The following CHST3 variants were observed in gnomAD, a reference collection of about 807,000 sequenced individuals.
CHST3 encodes C6ST-1.
CHST3 carries 20 observed loss-of-function variants against 35.4 expected under a neutral mutation model. The ratio of observed to expected loss-of-function variants is 0.57; its 90% CI spans 0.40 to 0.82. The LOEUF is 0.82. Ranked by LOEUF, CHST3 falls within the 40% of genes least tolerant of loss-of-function variation. CHST3 has a pLI of 0.00. For missense variants in CHST3, 693 were observed against 670.1 expected (o/e 1.03, Z -0.38); for synonymous variants, 334 against 295.9 (o/e 1.13, Z -1.32).
chr10:72,006,749 T>TC lies in CHST3; in HGVS notation c.141-415dup, dbSNP rs147117420. 6.7e-3 allele frequency among the ~76,000 whole-genome samples: 1,013 copies of TC among 151,750 alleles called. 14 individuals carry two copies. The highest frequency in any genetic ancestry group is 0.023 in the African/African-American group (934 of 41,340). On this transcript the variant is annotated intron_variant, in intron 2 of 2. Transcript: ENST00000373115. ...TGGGCAATATAGTGGACACCGTCAA[T>TC]CCCCCCCCTTGGGTCACTGAGCAAG...
chr10:71,987,714 CAAAA>C (rs386371790), intron 1 of CHST3, among the ~76,000 whole-genome samples: 1 of 88,912 alleles, frequency 1.1e-5, no homozygotes, highest in African/African-American at 4.6e-5. Context: ...GAGACTGTCT[CAAAA>C]AAAAAAAAAA....
intron 1 of CHST3, among the ~76,000 whole-genome samples, chr10:71,989,263 A>T (rs1021646721): frequency 1.3e-5 from 2 of 152,114 alleles, no homozygotes; most frequent in Non-Finnish European, 2.9e-5. Flanking sequence ...GACAACAGGG[A>T]AAGACCCTGA....
intron 1 of CHST3, among the ~76,000 whole-genome samples, chr10:71,986,260 G>A (rs1288769406): frequency 2.0e-5 from 3 of 152,178 alleles, no homozygotes; most frequent in Admixed American, 6.5e-5. Flanking sequence ...CTCCATCTTT[G>A]CTGATTCTAG....
chr10:72,007,167 C>T lies in CHST3; in HGVS notation c.141-5C>T. 1.2e-6 allele frequency: 2 copies of T among 1,613,948 alleles called. No individual in the cohort carries two copies. The highest frequency in any genetic ancestry group is 1.7e-6 in the Non-Finnish European group (2 of 1,179,994). Reference sequence around the variant, plus strand: ...CACTGACCCTGATCTTCTTTGTCCTCACAGGGTCTCAGACAAGCTGAAGCA... The same window carrying T: ...CACTGACCCTGATCTTCTTTGTCCTTACAGGGTCTCAGACAAGCTGAAGCA... On this transcript the variant is annotated splice_polypyrimidine_tract_variant and splice_region_variant and intron_variant, in intron 2 of 2. Coordinates refer to ENST00000373115, the MANE Select transcript of CHST3 (RefSeq NM_004273.5).
At chr10:72,003,912 T>A (rs532168154) in intron 1 of CHST3, among the ~76,000 whole-genome samples, 17 of 151,818 alleles carry the variant, frequency 1.1e-4, no homozygotes, top group African/African-American at 4.1e-4. Context: ...ATAATAATAA[T>A]GACCTGTAAT....
chr10:72,007,107 T>C, intron 2 of CHST3, 65 bp from the exon 3 acceptor site: 1 of 1,573,436 alleles, frequency 6.4e-7, no homozygotes, highest in Non-Finnish European at 8.6e-7. Flanking sequence ...GGAGGACTGC[T>C]TAGGGTTGCC....
At chr10:71,973,369 A>G (rs1406009097) in intron 1 of CHST3, among the ~76,000 whole-genome samples, 1 of 152,108 alleles carries the variant, frequency 6.6e-6, no homozygotes, top group Non-Finnish European at 1.5e-5. Flanking sequence ...CTCTGGGCCC[A>G]CTGCTCAACC....
At chr10:71,999,764 C>T (rs893696525) in intron 1 of CHST3, among the ~76,000 whole-genome samples, 6 of 152,346 alleles carry the variant, frequency 3.9e-5, no homozygotes, top group African/African-American at 1.2e-4. Flanking sequence ...CTCTGGGAGG[C>T]ACCTTGCCAA....
At chr10:71,991,066 C>T (rs1839892787) in intron 1 of CHST3, among the ~76,000 whole-genome samples, 1 of 152,202 alleles carries the variant, frequency 6.6e-6, no homozygotes, top group South Asian at 2.1e-4. Context: ...AACATGTGGC[C>T]TCCACTGTTG....
At chr10:72,003,717 A>AAG (rs1554817249) in intron 1 of CHST3, among the ~76,000 whole-genome samples, 79 of 149,344 alleles carry the variant, frequency 5.3e-4, no homozygotes, top group African/African-American at 1.8e-3. Context: ...AAAAAAAAAA[A>AAG]GGGAATAGAC....
intron 1 of CHST3, among the ~76,000 whole-genome samples, chr10:72,003,165 G>T (rs1222137919): frequency 6.6e-6 from 1 of 152,130 alleles, no homozygotes; most frequent in African/African-American, 2.4e-5. Context: ...GCTTAGCATG[G>T]CACCTGGCAC....
chr10:71,971,684 G>A (rs4148917), intron 1 of CHST3, among the ~76,000 whole-genome samples: 37,410 of 152,136 alleles, frequency 0.25, 7,103 homozygotes, highest in African/African-American at 0.54. Context: ...GGCCACCCCC[G>A]TCCCCGCACT....
In CHST3 at chr10:71,990,825, A is replaced by G. The variant is rs990110930; in HGVS notation, c.-107-14911A>G. 3.9e-5 allele frequency among the ~76,000 whole-genome samples: 6 copies of G among 152,232 alleles called. No individual in the cohort carries two copies. In the East Asian group the frequency reaches 1.2e-3, roughly 29 times the overall value. ...CCCATAGCTAAGAGTATGCATATTT[A>G]AAACTTGTGATGGTTTGGCCAAATC... On this transcript the variant is annotated intron_variant, in intron 1 of 2. Coordinates refer to ENST00000373115, the MANE Select transcript of CHST3 (RefSeq NM_004273.5).
chr10:71,995,881 T>C (rs1839934085), intron 1 of CHST3, among the ~76,000 whole-genome samples: 1 of 152,082 alleles, frequency 6.6e-6, no homozygotes, highest in South Asian at 2.1e-4. Flanking sequence ...ATTACCAAAA[T>C]GTGACACAGA....
chr10:72,001,070 A>G (rs1050190540), intron 1 of CHST3, among the ~76,000 whole-genome samples: 2 of 152,152 alleles, frequency 1.3e-5, no homozygotes, highest in African/African-American at 4.8e-5. Flanking sequence ...AATGTGAGAC[A>G]GAGGGAGGAC....
intron 1 of CHST3, among the ~76,000 whole-genome samples, chr10:71,970,612 G>C (rs1839684317): frequency 6.6e-6 from 1 of 152,168 alleles, no homozygotes. Flanking sequence ...CATGTATATG[G>C]GAGAGAAGAC....
intron 1 of CHST3, among the ~76,000 whole-genome samples, chr10:71,995,898 C>CA (rs1839934264): frequency 6.6e-6 from 1 of 152,124 alleles, no homozygotes; most frequent in Non-Finnish European, 1.5e-5. Context: ...CAGAGACACA[C>CA]AGAGAGCTCA....
Position 72,010,771 on chromosome 10 carries a change from T to TC in CHST3, c.*2304dup, listed in dbSNP as rs1417708531. 1 of 152,180 alleles carries TC rather than the reference T, an allele frequency of 6.6e-6. No homozygotes were observed. Among genetic ancestry groups the TC allele is most frequent in the Non-Finnish European group, 1.5e-5 (1 of 68,050 alleles). 9.4% of individuals were successfully genotyped at this position (152,180 alleles called of 1,614,324 possible). On this transcript the variant is annotated 3_prime_UTR_variant, in exon 3 of 3. Transcript: ENST00000373115. Reference sequence around the variant, plus strand: ...CAGGCCCAGAAGTGCTGGCCGTTCTTCCCCAGCCTCCCCACTGCTCCCTCC... The same window carrying TC: ...CAGGCCCAGAAGTGCTGGCCGTTCTTCCCCCAGCCTCCCCACTGCTCCCTCC...
At chr10:72,005,625 TG>T (rs1840030883) in intron 1 of CHST3, 110 bp from the exon 2 acceptor site, 2 of 603,516 alleles carry the variant, frequency 3.3e-6, no homozygotes, top group African/African-American at 1.8e-5. Context: ...AGAGTGGGTC[TG>T]GGGTCCTGGC....
Sources: gnomAD v4.1 joint callset for allele counts (sites outside exome capture counted in the v4.1 genomes callset) on GRCh38, gnomAD v4.1.1 for gene constraint, MANE v1.5 for transcripts, NCBI Gene and HGNC (gene_info 2026-07-23, HGNC 2026-07-21) for gene names.